RABGAP1L: variants seen among roughly 807,000 people sequenced by gnomAD.
RABGAP1L encodes the protein rab GTPase-activating protein 1-like.
Under a neutral mutation model 137.7 loss-of-function variants are expected in RABGAP1L, and 63 were observed. The observed-to-expected ratio is 0.46, with a 90% CI of 0.37 to 0.56. RABGAP1L has a LOEUF of 0.56. Ranked by LOEUF, RABGAP1L falls within the 20% of genes least tolerant of loss-of-function variation. RABGAP1L has a pLI of 0.00. For missense variants in RABGAP1L, 1,095 were observed against 1,244.0 expected (o/e 0.88, Z 1.80); for synonymous variants, 431 against 433.7 (o/e 0.99, Z 0.08).
At chr1:174,674,522 A>G (rs1028159141) in intron 14 of RABGAP1L, among the ~76,000 whole-genome samples, 10 of 151,238 alleles carry the variant, frequency 6.6e-5, no homozygotes, top group African/African-American at 2.2e-4. Flanking sequence ...AGTCTTTGCT[A>G]TTGTGAATAG....
chr1:174,543,575 A>G (rs1665692824), intron 13 of RABGAP1L, among the ~76,000 whole-genome samples: 1 of 152,148 alleles, frequency 6.6e-6, no homozygotes, highest in Non-Finnish European at 1.5e-5. Context: ...CTTTTAATTG[A>G]AACATTTAGC....
At chr1:174,479,614 G>C (rs1319058407) in intron 13 of RABGAP1L, among the ~76,000 whole-genome samples, 1 of 152,188 alleles carries the variant, frequency 6.6e-6, no homozygotes, top group Non-Finnish European at 1.5e-5. Context: ...AGATTGCTTT[G>C]AATGCCAGTG....
intron 1 of RABGAP1L, among the ~76,000 whole-genome samples, chr1:174,217,880 G>C (rs576534005): frequency 2.0e-5 from 3 of 152,238 alleles, no homozygotes; most frequent in African/African-American, 7.2e-5. Context: ...ATTGCCAAGA[G>C]TAATGGTGTT....
At chr1:174,724,661 A>G (rs1474535678) in intron 17 of RABGAP1L, among the ~76,000 whole-genome samples, 1 of 152,242 alleles carries the variant, frequency 6.6e-6, no homozygotes, top group Non-Finnish European at 1.5e-5. Context: ...TAGTCCTAAC[A>G]TAACATATGG....
At chr1:174,589,777 G>C (rs138695008) in intron 13 of RABGAP1L, among the ~76,000 whole-genome samples, 1 of 152,250 alleles carries the variant, frequency 6.6e-6, no homozygotes, top group East Asian at 1.9e-4. Flanking sequence ...GTAGATGTAT[G>C]GATTTACTTC....
chr1:174,437,417 C>A (rs1046443470), intron 13 of RABGAP1L, among the ~76,000 whole-genome samples: 1 of 151,992 alleles, frequency 6.6e-6, no homozygotes, highest in African/African-American at 2.4e-5. Context: ...AGCTATGTGA[C>A]GAATGCACGA....
chr1:174,353,609 A>G (rs1683376459), intron 11 of RABGAP1L, among the ~76,000 whole-genome samples: 1 of 152,114 alleles, frequency 6.6e-6, no homozygotes, highest in Non-Finnish European at 1.5e-5. Flanking sequence ...GACTGCTGGG[A>G]TTTCCTCTTG....
chr1:174,606,929 A>T (rs1670836148), intron 13 of RABGAP1L, among the ~76,000 whole-genome samples: 1 of 152,208 alleles, frequency 6.6e-6, no homozygotes, highest in South Asian at 2.1e-4. Context: ...AACTTTCATA[A>T]ATAAATATTA....
chr1:174,409,277 CA>C (rs1171865885), intron 13 of RABGAP1L, among the ~76,000 whole-genome samples: 10 of 152,272 alleles, frequency 6.6e-5, no homozygotes, highest in South Asian at 4.1e-4. Context: ...GTCTTTACTG[CA>C]ATCTCTGAAC....
chr1:174,415,129 C>T (rs1650400074), intron 13 of RABGAP1L, among the ~76,000 whole-genome samples: 1 of 151,918 alleles, frequency 6.6e-6, no homozygotes, highest in Non-Finnish European at 1.5e-5. Flanking sequence ...ATATATTGTT[C>T]TTTTAACATT....
intron 11 of RABGAP1L, among the ~76,000 whole-genome samples, chr1:174,360,405 G>T (rs1270814055): frequency 6.6e-6 from 1 of 152,048 alleles, no homozygotes; most frequent in African/African-American, 2.4e-5. Flanking sequence ...GCTATTAATA[G>T]TTTGGCATTA....
chr1:174,978,994 C>T, intron 23 of RABGAP1L, 104 bp downstream of exon 23: 1 of 1,316,878 alleles, frequency 7.6e-7, no homozygotes. Context: ...GCCTGAGCAA[C>T]ATAGCAGGAC....
intron 21 of RABGAP1L, among the ~76,000 whole-genome samples, chr1:174,970,760 T>C (rs1294340965): frequency 1.3e-5 from 2 of 151,942 alleles, no homozygotes; most frequent in Non-Finnish European, 2.9e-5. Context: ...TTAAAAAAAA[T>C]GTATATACAA....
intron 19 of RABGAP1L, among the ~76,000 whole-genome samples, chr1:174,918,340 A>G (rs891884478): frequency 1.2e-4 from 19 of 152,328 alleles, no homozygotes; most frequent in South Asian, 2.1e-4. Flanking sequence ...ATTTATGTGA[A>G]ATATACTTTA....
rs142881760 is a variant in RABGAP1L, at chr1:174,640,866, C to T, written c.1824+3378C>T. Among the ~76,000 whole-genome samples the T allele has an allele frequency of 8.2e-3, 1,238 of 150,888 alleles. 17 individuals carry two copies. Among genetic ancestry groups the T allele is most frequent in the African/African-American group, 0.029 (1,188 of 41,270 alleles). On this transcript the variant is annotated intron_variant, in intron 14 of 25. Transcript: ENST00000681986. ...AGGAAATGCATCTAATGATTAACCA[C>T]TAAGAAAGCTGCATCTTCTTCACAT...
chr1:174,570,407 A>C lies in RABGAP1L; in HGVS notation c.1711-66968A>C, dbSNP rs531209068. Among the ~76,000 whole-genome samples the C allele has an allele frequency of 5.3e-5, 8 of 152,362 alleles. No homozygotes were observed. In the South Asian group the frequency reaches 1.4e-3, roughly 28 times the overall value. ...GCATTTGCATTATCCTAAGTGAATT[A>C]GCACAGGAACAGAAAACCTACCACT... On this transcript the variant is annotated intron_variant, in intron 13 of 25. Transcript: ENST00000681986.
chr1:174,894,447 A>C (rs965045074), intron 19 of RABGAP1L, among the ~76,000 whole-genome samples: 1 of 152,226 alleles, frequency 6.6e-6, no homozygotes, highest in Non-Finnish European at 1.5e-5. Flanking sequence ...TTTAGCACTC[A>C]AGATTGTTAC....
At chr1:174,283,407 T>C (rs946909282) in intron 10 of RABGAP1L, among the ~76,000 whole-genome samples, 5 of 151,750 alleles carry the variant, frequency 3.3e-5, no homozygotes, top group African/African-American at 1.2e-4. Flanking sequence ...ACCCCATCTC[T>C]AAAAAATAAT....
At chr1:174,664,734 C>CTT (rs71701825) in intron 14 of RABGAP1L, among the ~76,000 whole-genome samples, 8,145 of 97,222 alleles carry the variant, frequency 0.084, 536 homozygotes, top group East Asian at 0.18. Flanking sequence ...TTTCTGCTTT[C>CTT]TTTTTTTTTT....
Sources: allele counts gnomAD v4.1 joint callset (sites outside exome capture counted in the v4.1 genomes callset), GRCh38; gene constraint gnomAD v4.1.1; transcripts MANE v1.5; gene names NCBI Gene and HGNC (gene_info 2026-07-23, HGNC 2026-07-21).